The following CNOT2 variants were observed in gnomAD, a reference collection of about 807,000 sequenced individuals.
CNOT2 encodes CCR4-NOT transcription complex subunit 2.
In CNOT2, 7 loss-of-function variants were observed where a neutral mutation model predicts 72.1. The observed-to-expected ratio is 0.10, with a 90% CI of 0.06 to 0.18. The LOEUF (loss-of-function observed/expected upper bound fraction) is 0.18, where lower values mean the gene tolerates loss of function less well. CNOT2 is among the 10% of genes least tolerant of loss of function. The pLI is 1.00. For synonymous variants in CNOT2, 196 were observed against 225.6 expected (o/e 0.87, Z 1.17); for missense variants, 345 against 660.3 (o/e 0.52, Z 5.23).
intron 13 of CNOT2, 168 bp from the exon 14 acceptor site, chr12:70,343,960 C>T: frequency 4.6e-6 from 2 of 437,726 alleles, no homozygotes; most frequent in Non-Finnish European, 4.0e-6. Context: ...GAGGAAATTC[C>T]CTTTTAGAAT....
At chr12:70,302,971 T>C (rs1361001582) in intron 2 of CNOT2, among the ~76,000 whole-genome samples, 1 of 152,260 alleles carries the variant, frequency 6.6e-6, no homozygotes, top group African/African-American at 2.4e-5. Context: ...CATTGTGTAA[T>C]GGCCTTCTTT....
intron 1 of CNOT2, among the ~76,000 whole-genome samples, chr12:70,271,971 A>G (rs1455219938): frequency 6.6e-6 from 1 of 152,212 alleles, no homozygotes. Context: ...AGCTTGTCCT[A>G]CGTCAGACTA....
At chr12:70,335,604 T>C (rs1379668318) in intron 8 of CNOT2, 41 bp downstream of exon 8, 1 of 1,514,436 alleles carries the variant, frequency 6.6e-7, no homozygotes, top group East Asian at 2.3e-5. Context: ...AAAGTTTCCA[T>C]TGTATGTGCA....
chr12:70,323,232 A>G (rs1034251462), intron 4 of CNOT2: 8 of 151,684 alleles, frequency 5.3e-5, no homozygotes, highest in African/African-American at 1.9e-4. Context: ...CATTTATGCC[A>G]TCTCTGCATA....
chr12:70,330,152 A>G, intron 5 of CNOT2, 135 bp from the exon 6 acceptor site: 2 of 508,410 alleles, frequency 3.9e-6, no homozygotes, highest in Middle Eastern at 4.0e-4. Context: ...TAGAATGACT[A>G]AAGAATTAAT....
chr12:70,282,667 G>T (rs185560534), intron 2 of CNOT2, among the ~76,000 whole-genome samples: 1 of 152,230 alleles, frequency 6.6e-6, no homozygotes, highest in Non-Finnish European at 1.5e-5. Context: ...ACTTAATGGA[G>T]CTATTTCCGT....
chr12:70,352,107 C>T (rs1882944908), intron 15 of CNOT2, among the ~76,000 whole-genome samples: 1 of 152,000 alleles, frequency 6.6e-6, no homozygotes, highest in Admixed American at 6.6e-5. Context: ...TCTGGATTGC[C>T]TTGTAATGAA....
rs1593288610 is a variant in CNOT2, at chr12:70,346,172, A to C, written c.1392-8A>C. The C allele has an allele frequency of 1.3e-6, 2 of 1,582,856 alleles. No individual in the cohort carries two copies. The highest frequency in any genetic ancestry group is 1.4e-5 in the African/African-American group (1 of 73,944). On this transcript the variant is annotated splice_polypyrimidine_tract_variant and splice_region_variant and intron_variant, in intron 14 of 15. Coordinates refer to ENST00000229195, the MANE Select transcript of CNOT2 (RefSeq NM_014515.7). ...AAAGTTAATTATCTTTTCTTTTAAA[A>C]ATTGAAGTTTTAACCGTGATTGGAG...
intron 3 of CNOT2, among the ~76,000 whole-genome samples, chr12:70,318,547 T>A (rs2135982141): frequency 6.6e-6 from 1 of 152,010 alleles, no homozygotes; most frequent in Admixed American, 6.6e-5. Flanking sequence ...TGTATGTACC[T>A]AAATGTTACC....
intron 1 of CNOT2, among the ~76,000 whole-genome samples, chr12:70,274,726 G>T (rs1868472192): frequency 6.6e-6 from 1 of 151,906 alleles, no homozygotes; most frequent in Non-Finnish European, 1.5e-5. Context: ...TCTATTTTTT[G>T]GGTTTGTAAT....
chr12:70,309,828 A>G (rs576365732), intron 2 of CNOT2, among the ~76,000 whole-genome samples: 1 of 152,244 alleles, frequency 6.6e-6, no homozygotes, highest in East Asian at 1.9e-4. Context: ...TGATAATTTT[A>G]TAGAGGTCAC....
rs544892398 is a variant in CNOT2 at position 70,351,175 on chromosome 12, T to C, written c.1537-2654T>C. On this transcript the variant is annotated intron_variant, in intron 15 of 15. Coordinates refer to ENST00000229195, the MANE Select transcript of CNOT2 (RefSeq NM_014515.7). Reference sequence around the variant, plus strand: ...CCCTCTAATGTATCATTTGATAATATTAGAAAAATTAAATGTTTTGTTCCT... The same window carrying C: ...CCCTCTAATGTATCATTTGATAATACTAGAAAAATTAAATGTTTTGTTCCT... Among the ~76,000 whole-genome samples the C allele has an allele frequency of 2.5e-3, 384 of 152,226 alleles. 1 individual carries two copies. The highest frequency in any genetic ancestry group is 8.9e-3 in the African/African-American group (368 of 41,550).
rs1880548085 is a variant in CNOT2, at chr12:70,335,429, A to G, written c.650-9A>G. On this transcript the variant is annotated splice_polypyrimidine_tract_variant and intron_variant, in intron 7 of 15. Coordinates refer to ENST00000229195, the MANE Select transcript of CNOT2 (RefSeq NM_014515.7). ...GAATCAATAACCAGTGTCCTTTCTT[A>G]TTATTTAGACGGAAGTGAAAATGTG... The G allele has an allele frequency of 1.3e-6, 2 of 1,585,660 alleles. No individual in the cohort carries two copies. Among genetic ancestry groups the G allele is most frequent in the Non-Finnish European group, 1.7e-6 (2 of 1,155,578 alleles).
At chr12:70,318,867 T>C (rs979002568) in intron 3 of CNOT2, among the ~76,000 whole-genome samples, 1 of 151,812 alleles carries the variant, frequency 6.6e-6, no homozygotes, top group African/African-American at 2.4e-5. Context: ...ATATAATGAA[T>C]GTATGTTCTG....
intron 3 of CNOT2, among the ~76,000 whole-genome samples, chr12:70,312,514 C>T (rs559095775): frequency 4.6e-5 from 7 of 151,938 alleles, no homozygotes; most frequent in Non-Finnish European, 1.0e-4. Flanking sequence ...TATATGTCTA[C>T]ATTTTAAAAT....
chr12:70,297,883 C>T (rs760675322), intron 2 of CNOT2: 10 of 207,336 alleles, frequency 4.8e-5, no homozygotes, highest in African/African-American at 1.4e-4. Context: ...ACTACAGGTG[C>T]GTACCACCAC....
At chr12:70,243,760 G>C (rs921994565) in intron 1 of CNOT2, 1 of 152,332 alleles carries the variant, frequency 6.6e-6, no homozygotes, top group South Asian at 2.1e-4. Context: ...CGCTGTACTC[G>C]GGCCGCTGCA....
At chr12:70,301,554 G>A (rs1873981319) in intron 2 of CNOT2, among the ~76,000 whole-genome samples, 1 of 151,688 alleles carries the variant, frequency 6.6e-6, no homozygotes, top group Non-Finnish European at 1.5e-5. Flanking sequence ...AACCAGCCTT[G>A]CATCCCAGGG....
At chr12:70,263,544 CT>C (rs1039240757) in intron 1 of CNOT2, among the ~76,000 whole-genome samples, 2 of 152,074 alleles carry the variant, frequency 1.3e-5, no homozygotes, top group African/African-American at 4.8e-5. Context: ...CATAATATCT[CT>C]TTTTTTCTTA....
Sources: allele counts gnomAD v4.1 joint callset (sites outside exome capture counted in the v4.1 genomes callset), GRCh38; gene constraint gnomAD v4.1.1; transcripts MANE v1.5; gene names NCBI Gene and HGNC (gene_info 2026-07-23, HGNC 2026-07-21).